RIMBP2: variants seen among roughly 807,000 people sequenced by gnomAD.
The protein encoded by RIMBP2 is RIMS-binding protein 2.
A neutral mutation model predicts 118.6 loss-of-function variants in RIMBP2; 48 were observed. The ratio of observed to expected loss-of-function variants is 0.40; its 90% CI spans 0.32 to 0.51. The LOEUF is 0.51. Among genes scored for constraint, RIMBP2 ranks in the 20% least tolerant of loss-of-function variants. The pLI is 0.41. For missense variants in RIMBP2, 1,551 were observed against 1,768.3 expected (o/e 0.88, Z 2.20); for synonymous variants, 762 against 742.9 (o/e 1.03, Z -0.42).
At chr12:130,492,624 C>T (rs906403015) in intron 4 of RIMBP2, among the ~76,000 whole-genome samples, 11 of 152,190 alleles carry the variant, frequency 7.2e-5, no homozygotes, top group African/African-American at 2.7e-4. Context: ...CAGTGGCTCC[C>T]GGCTGTGAGC....
intron 1 of RIMBP2, among the ~76,000 whole-genome samples, chr12:130,636,380 G>C (rs1314076477): frequency 6.6e-6 from 1 of 152,156 alleles, no homozygotes; most frequent in South Asian, 2.1e-4. Flanking sequence ...ATTGGCGGTT[G>C]TATGTATCTT....
intron 2 of RIMBP2, among the ~76,000 whole-genome samples, chr12:130,531,172 A>G (rs1047261246): frequency 1.3e-5 from 2 of 152,212 alleles, no homozygotes; most frequent in African/African-American, 4.8e-5. Context: ...TTTTTCAGAT[A>G]TTTTTGTTAA....
Position 130,442,636 on chromosome 12 carries a change from C to G in RIMBP2, c.716G>C (p.Gly239Ala). The G allele has an allele frequency of 6.2e-7, 1 of 1,614,100 alleles. No individual in the cohort carries two copies. Among genetic ancestry groups the G allele is most frequent in the Non-Finnish European group, 8.5e-7 (1 of 1,179,980 alleles). The change falls in exon 11 of 23, where the codon GGT (glycine) becomes GCT (alanine). Residue 239 changes from glycine to alanine, a missense_variant. Transcript: ENST00000690449. This position sits in a 1 kb window ranked among gnomAD's most constrained non-coding sequence, Gnocchi z 6.9. ...GTCCACGAAGTTGGAGGGCACCAGA[C>G]CCCTCTGGCCATCGAGGAGCTCTCC... The part of the protein sequence containing the change: ...YEGELLDGQR[G>A]LVPSNFVDFV...
intron 1 of RIMBP2, among the ~76,000 whole-genome samples, chr12:130,639,370 T>G (rs2062502030): frequency 9.0e-6 from 1 of 111,648 alleles, no homozygotes; most frequent in African/African-American, 3.3e-5. Flanking sequence ...GCCTGGGCAA[T>G]AAAACTCCAT....
chr12:130,615,276 C>CATATAT (rs202186208), intron 2 of RIMBP2, among the ~76,000 whole-genome samples: 1,256 of 100,226 alleles, frequency 0.013, 41 homozygotes, highest in Non-Finnish European at 0.016. Context: ...AATACACATA[C>CATATAT]ATATATATAT....
At chr12:130,636,432 GTTT>G (rs549026940) in intron 1 of RIMBP2, among the ~76,000 whole-genome samples, 14 of 152,204 alleles carry the variant, frequency 9.2e-5, no homozygotes, top group African/African-American at 3.4e-4. Context: ...ACCCAGCTTT[GTTT>G]TTTTACCAGC....
chr12:130,513,656 G>A (rs566517305), intron 3 of RIMBP2, among the ~76,000 whole-genome samples: 3 of 152,242 alleles, frequency 2.0e-5, no homozygotes, highest in South Asian at 4.2e-4. Context: ...CCAGCTCATC[G>A]GTTTCCTCCC....
Position 130,406,086 on chromosome 12 carries a change from G to A in RIMBP2, c.3765+86C>T, listed in dbSNP as rs957015442. ...ATGACGTTCATGCCCAATTTTAAGA[G>A]AAGGAACGGACTAGCAAAACAAAAC... On this transcript the variant is annotated intron_variant, in intron 21 of 22. Transcript: ENST00000690449. The A allele has an allele frequency of 5.9e-6, 5 of 853,778 alleles. No homozygotes were observed. In the African/African-American group the frequency reaches 8.5e-5, roughly 14 times the overall value. The allele number at this position is 853,778 out of a possible 1,614,324, so 52.9% of individuals were successfully genotyped here.
Position 130,511,376 on chromosome 12 carries a change from T to C in RIMBP2, c.-126-4606A>G, listed in dbSNP as rs1406199369. 6.6e-6 allele frequency among the ~76,000 whole-genome samples: 1 copy of C among 152,228 alleles called. No individual in the cohort carries two copies. Among genetic ancestry groups the C allele is most frequent in the Non-Finnish European group, 1.5e-5 (1 of 68,050 alleles). On this transcript the variant is annotated intron_variant, in intron 3 of 22. Coordinates refer to ENST00000690449, the MANE Select transcript of RIMBP2 (RefSeq NM_001393629.1). The surrounding 1 kb of genome is among the most constrained non-coding windows in gnomAD (Gnocchi z 4.3). ...TGTCACAGCAGCAATAGGCAACTGA[T>C]GCGGAAATCAGCTAAACAGCAGTCC... is the stretch of plus-strand genomic sequence containing the variant.
intron 2 of RIMBP2, among the ~76,000 whole-genome samples, chr12:130,580,800 C>T (rs376044823): frequency 1.3e-5 from 2 of 151,802 alleles, no homozygotes; most frequent in Admixed American, 6.6e-5. Flanking sequence ...ATTAGCTGGG[C>T]GTGGTGGTGG....
rs549751180 is a variant in RIMBP2 at position 130,642,110 on chromosome 12, T to G, written c.-351-13654A>C. ...CACTGTACCCCCAGCTTCCTGCCACTAGAGCCTGAAAGATCTTTGCATTGG... is the reference window on the plus strand; with the variant it reads ...CACTGTACCCCCAGCTTCCTGCCACGAGAGCCTGAAAGATCTTTGCATTGG... On this transcript the variant is annotated intron_variant, in intron 1 of 22. Transcript: ENST00000690449. Among the ~76,000 whole-genome samples the G allele has an allele frequency of 3.3e-5, 5 of 152,210 alleles. No individual in the cohort carries two copies. In the South Asian group the frequency reaches 1.0e-3, roughly 32 times the overall value.
At chr12:130,605,466 A>C (rs2060128247) in intron 2 of RIMBP2, among the ~76,000 whole-genome samples, 1 of 152,226 alleles carries the variant, frequency 6.6e-6, no homozygotes, top group African/African-American at 2.4e-5. Context: ...TCCTGGGGAT[A>C]ACTAAAAATT....
Position 130,511,578 on chromosome 12 carries a change from T to C in RIMBP2, c.-126-4808A>G, listed in dbSNP as rs2138930393. On this transcript the variant is annotated intron_variant, in intron 3 of 22. Coordinates refer to ENST00000690449, the MANE Select transcript of RIMBP2 (RefSeq NM_001393629.1). This position sits in a 1 kb window ranked among gnomAD's most constrained non-coding sequence, Gnocchi z 4.3. ...GCTTCAGTCACCCCAGTGGCTCCCC[T>C]AACCCTGCCTGCACCTCCTTAAGAA... Among the ~76,000 whole-genome samples the C allele has an allele frequency of 6.6e-6, 1 of 152,272 alleles. No homozygotes were observed. Among genetic ancestry groups the C allele is most frequent in the Non-Finnish European group, 1.5e-5 (1 of 68,010 alleles).
In RIMBP2 at chr12:130,595,286, C is replaced by T. The variant is rs117312590; in HGVS notation, c.-217+33036G>A. 4.0e-3 allele frequency among the ~76,000 whole-genome samples: 613 copies of T among 152,098 alleles called. 2 individuals are homozygous for T. The highest frequency in any genetic ancestry group is 6.8e-3 in the Non-Finnish European group (465 of 68,006). Reference sequence around the variant, plus strand: ...ATTAAAACTTCATCTTGGCCGGGCGCGGTGGCTCACGCCTGTAATCCCAGC... The same window carrying T: ...ATTAAAACTTCATCTTGGCCGGGCGTGGTGGCTCACGCCTGTAATCCCAGC... On this transcript the variant is annotated intron_variant, in intron 2 of 22. Transcript: ENST00000690449.
At chr12:130,563,345 C>T (rs942919891) in intron 2 of RIMBP2, among the ~76,000 whole-genome samples, 3 of 152,194 alleles carry the variant, frequency 2.0e-5, no homozygotes, top group African/African-American at 2.4e-5. Context: ...CAGTGATTAA[C>T]CTGAGCATGA....
intron 2 of RIMBP2, among the ~76,000 whole-genome samples, chr12:130,567,405 T>A (rs898192159): frequency 1.3e-5 from 2 of 152,214 alleles, no homozygotes; most frequent in African/African-American, 4.8e-5. Flanking sequence ...GTTCATGACA[T>A]CACCATGTTA....
rs149266155 is a variant in RIMBP2, at chr12:130,646,042, C to T, written c.-351-17586G>A. On this transcript the variant is annotated intron_variant, in intron 1 of 22. Coordinates refer to ENST00000690449, the MANE Select transcript of RIMBP2 (RefSeq NM_001393629.1). ...AAATCTGTGGTGCGGCAGCCAGTTC[C>T]CTCTCCACCTCCCTCACCACCTGCC... Among the ~76,000 whole-genome samples, 20 of 137,988 alleles carry T rather than the reference C, an allele frequency of 1.4e-4. 1 individual carries two copies. Among genetic ancestry groups the T allele is most frequent in the Non-Finnish European group, 2.8e-4 (17 of 59,970 alleles). 90.5% of individuals were successfully genotyped at this position (137,988 alleles called of 152,430 possible).
intron 2 of RIMBP2, among the ~76,000 whole-genome samples, chr12:130,547,356 C>T (rs2055281481): frequency 6.6e-6 from 1 of 152,162 alleles, no homozygotes; most frequent in African/African-American, 2.4e-5. Flanking sequence ...CACAGTTGTG[C>T]GGATTGTTTA....
intron 2 of RIMBP2, among the ~76,000 whole-genome samples, chr12:130,626,182 A>T (rs1264240170): frequency 6.6e-6 from 1 of 152,250 alleles, no homozygotes; most frequent in African/African-American, 2.4e-5. Flanking sequence ...CATTGGAAAG[A>T]GTTAAGTTTC....
Sources: gnomAD v4.1 joint callset for allele counts (sites outside exome capture counted in the v4.1 genomes callset) on GRCh38, gnomAD v4.1.1 for gene constraint, Gnocchi (gnomAD v3.1) non-coding constraint, MANE v1.5 for transcripts, NCBI Gene and HGNC (gene_info 2026-07-23, HGNC 2026-07-21) for gene names.